RIMBP2: variants seen among roughly 807,000 people sequenced by gnomAD.
The protein encoded by RIMBP2 is RIMS-binding protein 2.
Under a neutral mutation model 118.6 loss-of-function variants are expected in RIMBP2, and 48 were observed. The observed-to-expected ratio is 0.40, with a 90% CI of 0.32 to 0.51. RIMBP2 has a LOEUF of 0.51. Among genes scored for constraint, RIMBP2 ranks in the 20% least tolerant of loss-of-function variants. RIMBP2 has a pLI of 0.41. For missense variants in RIMBP2, 1,551 were observed against 1,768.3 expected, an observed-to-expected ratio of 0.88 and a Z score of 2.20; for synonymous variants, 762 against 742.9, an observed-to-expected ratio of 1.03 and a Z score of -0.42.
At chr12:130,569,981 AT>A (rs1819221783) in intron 2 of RIMBP2, among the ~76,000 whole-genome samples, 1 of 152,164 alleles carries the variant, frequency 6.6e-6, no homozygotes, top group African/African-American at 2.4e-5. Context: ...GCACACACTC[AT>A]TTCACACACA....
intron 2 of RIMBP2, among the ~76,000 whole-genome samples, chr12:130,627,223 C>T (rs1392157742): frequency 6.6e-6 from 1 of 152,368 alleles, no homozygotes; most frequent in South Asian, 2.1e-4. Flanking sequence ...ATTTGCCAAG[C>T]CCAAGCAGGG....
intron 1 of RIMBP2, among the ~76,000 whole-genome samples, chr12:130,667,056 A>G (rs58116580): frequency 3.6e-5 from 4 of 109,958 alleles, no homozygotes; most frequent in Admixed American, 8.8e-5. Flanking sequence ...AGGGAGGGAG[A>G]AAAGGAAGAA....
chr12:130,606,414 G>A (rs766359810), intron 2 of RIMBP2, among the ~76,000 whole-genome samples: 2 of 152,188 alleles, frequency 1.3e-5, no homozygotes, highest in Non-Finnish European at 2.9e-5. Context: ...TGACGCGTGG[G>A]CAGGGAGTCG....
chr12:130,518,461 T>C (rs2051716536), intron 2 of RIMBP2, among the ~76,000 whole-genome samples: 1 of 152,196 alleles, frequency 6.6e-6, no homozygotes. Context: ...CAAGATTCAA[T>C]GTATTCCACA....
At chr12:130,462,351 G>A (rs978294173) in intron 6 of RIMBP2, among the ~76,000 whole-genome samples, 1 of 152,188 alleles carries the variant, frequency 6.6e-6, no homozygotes, top group Non-Finnish European at 1.5e-5. Flanking sequence ...CCCAGGGGTG[G>A]CCAGTGCAGA....
At chr12:130,487,685 T>C (rs2082602675) in intron 4 of RIMBP2, among the ~76,000 whole-genome samples, 1 of 152,190 alleles carries the variant, frequency 6.6e-6, no homozygotes, top group Admixed American at 6.5e-5. Context: ...GATTATTTTA[T>C]TTACGTGTTT....
At chr12:130,567,908 G>A (rs1336497805) in intron 2 of RIMBP2, among the ~76,000 whole-genome samples, 3 of 152,068 alleles carry the variant, frequency 2.0e-5, no homozygotes, top group African/African-American at 7.2e-5. Context: ...TGCCTCACCT[G>A]ATACACCTGT....
At chr12:130,536,995 A>G (rs549207752) in intron 2 of RIMBP2, among the ~76,000 whole-genome samples, 2 of 152,322 alleles carry the variant, frequency 1.3e-5, no homozygotes, top group Admixed American at 1.3e-4. Context: ...TCTGTAACAT[A>G]TCTGGCCAGT....
chr12:130,561,742 G>T (rs1359632120), intron 2 of RIMBP2, among the ~76,000 whole-genome samples: 3 of 152,122 alleles, frequency 2.0e-5, no homozygotes, highest in Admixed American at 6.5e-5. Flanking sequence ...GGGGGTTTCT[G>T]AACGCAGAGG....
At position 130,523,231 on chromosome 12, in the gene RIMBP2, C is replaced by CT. The variant is rs1266836742; in HGVS notation, c.-216-5315dup. ...GGGGGGTTTCTCTGCCTCCATCTCT[C>CT]TCTGTCCCCTACCCACTACCTGGCC... On this transcript the variant is annotated intron_variant, in intron 2 of 22. Transcript: ENST00000690449. This position sits in a 1 kb window ranked among gnomAD's most constrained non-coding sequence, Gnocchi z 4.4. 6.6e-6 allele frequency among the ~76,000 whole-genome samples: 1 copy of CT among 152,206 alleles called. No individual in the cohort carries two copies. Among genetic ancestry groups the CT allele is most frequent in the African/African-American group, 2.4e-5 (1 of 41,444 alleles).
chr12:130,599,844 GC>G (rs1320792041), intron 2 of RIMBP2, among the ~76,000 whole-genome samples: 1 of 152,106 alleles, frequency 6.6e-6, no homozygotes, highest in Non-Finnish European at 1.5e-5. Flanking sequence ...AATTCTTGGG[GC>G]CCCCAAATCA....
chr12:130,553,091 T>C (rs2139753973), intron 2 of RIMBP2, among the ~76,000 whole-genome samples: 1 of 151,072 alleles, frequency 6.6e-6, no homozygotes, highest in East Asian at 2.0e-4. Flanking sequence ...AGGCAGAGCT[T>C]GCAGTGAGCC....
Position 130,424,130 on chromosome 12 carries a change from T to C in RIMBP2, c.3129+12A>G. The C allele has an allele frequency of 8.2e-7, 1 of 1,220,086 alleles. No homozygotes were observed. Among genetic ancestry groups the C allele is most frequent in the East Asian group, 3.2e-5 (1 of 31,640 alleles). 75.6% of individuals were successfully genotyped at this position (1,220,086 alleles called of 1,614,324 possible). On this transcript the variant is annotated intron_variant, in intron 16 of 22. Coordinates refer to ENST00000690449, the MANE Select transcript of RIMBP2 (RefSeq NM_001393629.1). The surrounding 1 kb of genome is among the most constrained non-coding windows in gnomAD (Gnocchi z 9.8). ...GGCAAGCGGCTGTGAAAAGGAAGTT[T>C]AGGTCACACACCAGGGGGCCTTGTG...
At chr12:130,665,946 C>T (rs1427731585) in intron 1 of RIMBP2, among the ~76,000 whole-genome samples, 2 of 152,124 alleles carry the variant, frequency 1.3e-5, no homozygotes, top group African/African-American at 4.8e-5. Context: ...ACATCTGGAA[C>T]TCACTCTCAA....
intron 2 of RIMBP2, among the ~76,000 whole-genome samples, chr12:130,566,199 A>T (rs2057207788): frequency 6.6e-6 from 1 of 150,450 alleles, no homozygotes; most frequent in Non-Finnish European, 1.5e-5. Context: ...ACACACACAC[A>T]CTCACTCAAC....
intron 1 of RIMBP2, among the ~76,000 whole-genome samples, chr12:130,713,410 T>G (rs1470331417): frequency 2.0e-5 from 3 of 152,142 alleles, no homozygotes; most frequent in Non-Finnish European, 4.4e-5. Context: ...CAACAAGAGA[T>G]GCAGGTGTCC....
chr12:130,608,427 C>T (rs781342364), intron 2 of RIMBP2, among the ~76,000 whole-genome samples: 6 of 152,248 alleles, frequency 3.9e-5, no homozygotes, highest in Non-Finnish European at 8.8e-5. Flanking sequence ...GTTCTCAGGG[C>T]CAAAGAGACC....
chr12:130,406,054 C>G (rs2075142255), intron 21 of RIMBP2, 118 bp downstream of exon 21: 1 of 660,854 alleles, frequency 1.5e-6, no homozygotes, highest in Non-Finnish European at 2.7e-6. Flanking sequence ...AAGCTATCAG[C>G]AGGCGTATGA....
intron 14 of RIMBP2, among the ~76,000 whole-genome samples, chr12:130,433,840 C>T (rs1164329913): frequency 6.6e-6 from 1 of 152,208 alleles, no homozygotes; most frequent in Non-Finnish European, 1.5e-5. Flanking sequence ...GCCAAAAATC[C>T]ACCTCGCAGC....
Sources: gnomAD v4.1 joint callset for allele counts (sites outside exome capture counted in the v4.1 genomes callset) on GRCh38, gnomAD v4.1.1 for gene constraint, Gnocchi (gnomAD v3.1) non-coding constraint, MANE v1.5 for transcripts, NCBI Gene and HGNC (gene_info 2026-07-23, HGNC 2026-07-21) for gene names.